HFM1: variants seen among roughly 807,000 people sequenced by gnomAD.
The protein encoded by HFM1 is helicase for meiosis 1.
HFM1 carries 169 observed loss-of-function variants against 192.1 expected under a neutral mutation model. That is an observed-to-expected ratio of 0.88 (90% CI 0.78 to 1.00). The LOEUF (loss-of-function observed/expected upper bound fraction) is 1.00. Among genes scored for constraint, HFM1 ranks in the 50% least tolerant of loss-of-function variants. HFM1 has a pLI of 0.00. For synonymous variants in HFM1, 525 were observed against 537.8 expected (o/e 0.98, Z 0.33); for missense variants, 1,661 against 1,668.0 (o/e 1.00, Z 0.07).
intron 11 of HFM1, among the ~76,000 whole-genome samples, chr1:91,376,699 TA>T (rs1482280126): frequency 1.3e-5 from 2 of 151,594 alleles, no homozygotes; most frequent in African/African-American, 4.8e-5. Flanking sequence ...ATCAAAGAAG[TA>T]AAAAATTTTT....
chr1:91,299,460 C>T (rs1342924526), intron 30 of HFM1, among the ~76,000 whole-genome samples: 1 of 152,146 alleles, frequency 6.6e-6, no homozygotes, highest in Non-Finnish European at 1.5e-5. Context: ...GAACTCTCCA[C>T]CCCAAATCAA....
At chr1:91,313,778 T>C (rs928514521) in intron 29 of HFM1, among the ~76,000 whole-genome samples, 179 bp downstream of exon 29, 24 of 152,228 alleles carry the variant, frequency 1.6e-4, no homozygotes, top group African/African-American at 4.6e-4. Context: ...ATCTGGTCCA[T>C]GTTATGTTTT....
At chr1:91,265,901 A>G in intron 36 of HFM1, 116 bp downstream of exon 36, 2 of 1,360,922 alleles carry the variant, frequency 1.5e-6, no homozygotes, top group East Asian at 5.4e-5. Flanking sequence ...AAGAGGGTTT[A>G]GGTTGGCTAA....
Position 91,353,071 on chromosome 1 carries a change from AC to A in HFM1, c.1810del (p.Val604LeufsTer13). 1 of 1,602,718 alleles carries A rather than the reference AC, an allele frequency of 6.2e-7. No individual in the cohort carries two copies. Among genetic ancestry groups the A allele is most frequent in the South Asian group, 1.1e-5 (1 of 90,588 alleles). The stretch of plus-strand genomic sequence containing the variant: ...CTTACAAAGAACTGGTAAATCTCCA[AC>A]AGTAAAAGCTCCCTCAACTACTTTT... ...DRKVVEGAFT[V>X]GDLPVLFTTS... On this transcript the variant is annotated frameshift_variant, in exon 15 of 39. Transcript: ENST00000370425. LOFTEE classifies it high-confidence loss of function.
chr1:91,316,292 T>G (rs1255199531), intron 26 of HFM1, 99 bp downstream of exon 26: 1 of 1,000,864 alleles, frequency 1.0e-6, no homozygotes, highest in Non-Finnish European at 1.5e-6. Flanking sequence ...CAAAAGTAAG[T>G]TGAAATACTT....
upstream of HFM1, among the ~76,000 whole-genome samples, chr1:91,407,037 C>CAT (rs1223792874): frequency 6.6e-6 from 1 of 152,088 alleles, no homozygotes; most frequent in Non-Finnish European, 1.5e-5. Context: ...GTAAAACATG[C>CAT]GTAATATTTA....
At chr1:91,386,948 C>G (rs1662279387) in intron 4 of HFM1, among the ~76,000 whole-genome samples, 1 of 152,124 alleles carries the variant, frequency 6.6e-6, no homozygotes, top group African/African-American at 2.4e-5. Context: ...ACACTATATC[C>G]AATAACCATT....
chr1:91,397,011 G>A (rs1178351287), intron 2 of HFM1, among the ~76,000 whole-genome samples: 1 of 152,162 alleles, frequency 6.6e-6, no homozygotes, highest in African/African-American at 2.4e-5. Context: ...GAGGGCTCTA[G>A]GTTGCATGCT....
intron 3 of HFM1, among the ~76,000 whole-genome samples, chr1:91,395,790 C>T (rs755379870): frequency 9.9e-5 from 15 of 151,652 alleles, no homozygotes; most frequent in Non-Finnish European, 2.1e-4. Context: ...AAAATATTGC[C>T]ATGAACTGTA....
In HFM1 at chr1:91,352,615, G is replaced by A. The variant is rs770346807; in HGVS notation, c.1868C>T (p.Pro623Leu). Residue 623 changes from proline (P) to leucine (L), a missense_variant, in exon 16 of 39, where the codon CCT (proline) becomes CTT (leucine). By Grantham distance (98) the Pro-to-Leu change is moderately conservative (BLOSUM62 -3). Coordinates refer to ENST00000370425, the MANE Select transcript of HFM1 (RefSeq NM_001017975.6). ...AGATTTTATAACTACTAGGTGAGCAGGCAAATTTACTCCCATAGCTAAAGT... is the reference window on the plus strand; with the variant it reads ...AGATTTTATAACTACTAGGTGAGCAAGCAAATTTACTCCCATAGCTAAAGT... ...TSTLAMGVNL[P>L]AHLVVIKSTM... is the part of the protein sequence containing the mutation. The A allele has an allele frequency of 9.3e-6, 15 of 1,608,168 alleles. No individual in the cohort carries two copies. The highest frequency in any genetic ancestry group is 1.7e-4 in the Middle Eastern group (1 of 6,040).
intron 1 of HFM1, among the ~76,000 whole-genome samples, chr1:91,403,230 TGGCACACA>T (rs1255935193): frequency 6.6e-6 from 1 of 152,160 alleles, no homozygotes; most frequent in African/African-American, 2.4e-5. Context: ...GAATAGTGCC[TGGCACACA>T]GTAAATGGTC....
chr1:91,286,426 T>G (rs1667978587), intron 30 of HFM1, among the ~76,000 whole-genome samples: 2 of 152,206 alleles, frequency 1.3e-5, no homozygotes, highest in African/African-American at 4.8e-5. Flanking sequence ...TAGACATTTC[T>G]TGGCTTGTGG....
intron 20 of HFM1, among the ~76,000 whole-genome samples, chr1:91,335,742 T>C (rs369350405): frequency 6.6e-6 from 1 of 152,128 alleles, no homozygotes; most frequent in South Asian, 2.1e-4. Flanking sequence ...GACATGAGAA[T>C]GTACCTTTCA....
upstream of HFM1, among the ~76,000 whole-genome samples, chr1:91,407,086 T>C (rs1664839495): frequency 6.6e-6 from 1 of 152,150 alleles, no homozygotes; most frequent in Non-Finnish European, 1.5e-5. Flanking sequence ...TCAGGGACAT[T>C]AAATACACTC....
intron 18 of HFM1, among the ~76,000 whole-genome samples, chr1:91,349,139 A>C (rs1656581805): frequency 6.6e-6 from 1 of 151,574 alleles, no homozygotes; most frequent in South Asian, 2.1e-4. Context: ...AATAGAAAAA[A>C]TTAGCCAGGT....
intron 13 of HFM1, among the ~76,000 whole-genome samples, chr1:91,364,614 A>G (rs1658992666): frequency 3.8e-5 from 1 of 26,580 alleles, no homozygotes. Flanking sequence ...ATACATATAT[A>G]TATATATATA....
intron 1 of HFM1, 142 bp downstream of exon 1, chr1:91,404,656 G>C (rs1198775012): frequency 3.6e-6 from 1 of 280,270 alleles, no homozygotes. Flanking sequence ...CCAACAACTC[G>C]CCGCGCCCGT....
intron 26 of HFM1, 68 bp from the exon 27 acceptor site, chr1:91,316,252 GAATAAATAGCTTT>G: frequency 9.2e-7 from 1 of 1,089,400 alleles, no homozygotes; most frequent in East Asian, 2.5e-5. Flanking sequence ...ATATTTTTTA[GAATAAATAGCTTT>G]AATAATGCTT....
At chr1:91,281,883 T>C (rs1667492628) in intron 30 of HFM1, among the ~76,000 whole-genome samples, 1 of 152,310 alleles carries the variant, frequency 6.6e-6, no homozygotes, top group Admixed American at 6.5e-5. Context: ...CAAACCACTG[T>C]GCCTGGCTTC....
Sources: allele counts gnomAD v4.1 joint callset (sites outside exome capture counted in the v4.1 genomes callset), GRCh38; gene constraint gnomAD v4.1.1; transcripts MANE v1.5; gene names NCBI Gene and HGNC (gene_info 2026-07-23, HGNC 2026-07-21).